NTM: variants seen among roughly 807,000 people sequenced by gnomAD.
The protein encoded by NTM is IgLON family member 2.
NTM carries 13 observed loss-of-function variants against 42.1 expected under a neutral mutation model. That is an observed-to-expected ratio of 0.31 (90% CI 0.20 to 0.49). The LOEUF is 0.49. Among genes scored for constraint, NTM ranks in the 20% least tolerant of loss-of-function variants. The pLI is 0.99. For missense variants in NTM, 373 were observed against 452.8 expected (o/e 0.82, Z 1.60); for synonymous variants, 187 against 179.2 (o/e 1.04, Z -0.35).
chr11:132,021,160 G>T (rs541787402), intron 2 of NTM, among the ~76,000 whole-genome samples: 1 of 151,976 alleles, frequency 6.6e-6, no homozygotes, highest in South Asian at 2.1e-4. Context: ...CTGCTGTTGG[G>T]TCCTCCAGTG....
chr11:132,320,202 T>C (rs1416781270), intron 7 of NTM, among the ~76,000 whole-genome samples: 2 of 152,354 alleles, frequency 1.3e-5, no homozygotes, highest in African/African-American at 4.8e-5. Context: ...ACAGCTCTGG[T>C]CTACAGCTCC....
chr11:131,711,104 G>A (rs988839289), intron 1 of NTM, among the ~76,000 whole-genome samples: 8 of 152,150 alleles, frequency 5.3e-5, no homozygotes, highest in African/African-American at 9.6e-5. Context: ...CAAAAGCAAT[G>A]GCAATAAAAG....
intron 1 of NTM, among the ~76,000 whole-genome samples, chr11:131,838,783 A>G: frequency 6.6e-6 from 1 of 152,166 alleles, no homozygotes; most frequent in South Asian, 2.1e-4. Context: ...AATACAAAAA[A>G]ACATTCCATC....
intron 1 of NTM, among the ~76,000 whole-genome samples, chr11:131,881,431 T>C (rs1045104198): frequency 1.3e-5 from 2 of 150,894 alleles, no homozygotes; most frequent in African/African-American, 4.9e-5. Context: ...GAATTTCAGA[T>C]TGGGGATAAT....
intron 1 of NTM, among the ~76,000 whole-genome samples, chr11:131,885,452 C>T (rs998132433): frequency 1.3e-5 from 2 of 152,136 alleles, no homozygotes; most frequent in African/African-American, 4.8e-5. Flanking sequence ...GCTGACATGT[C>T]GTCTGTATCT....
At chr11:131,658,560 C>A (rs2067514319) in intron 1 of NTM, among the ~76,000 whole-genome samples, 1 of 152,192 alleles carries the variant, frequency 6.6e-6, no homozygotes, top group Non-Finnish European at 1.5e-5. Context: ...GGACGGCATG[C>A]CTTGCTCTGA....
intron 1 of NTM, among the ~76,000 whole-genome samples, chr11:131,898,034 T>A (rs184821497): frequency 6.6e-6 from 1 of 152,336 alleles, no homozygotes; most frequent in East Asian, 1.9e-4. Flanking sequence ...AGGCTGATTA[T>A]TATTAATGTT....
Position 131,492,569 on chromosome 11 carries a change from G to T in NTM, c.82+121681G>T, listed in dbSNP as rs140196273. Among the ~76,000 whole-genome samples, 1,139 of 152,308 alleles carry T rather than the reference G, an allele frequency of 7.5e-3. 5 individuals are homozygous for T. The highest frequency in any genetic ancestry group is 0.013 in the Non-Finnish European group (861 of 68,030). ...AGCCACACTCTCTCCTGCACAAGCA[G>T]CCATGGCCCCGGTCTACCTGCTAAA... On this transcript the variant is annotated intron_variant, in intron 1 of 8. Coordinates refer to ENST00000683400, the MANE Select transcript of NTM (RefSeq NM_001352005.2).
intron 8 of NTM, among the ~76,000 whole-genome samples, chr11:132,331,647 G>T (rs890538579): frequency 6.6e-6 from 1 of 152,152 alleles, no homozygotes; most frequent in African/African-American, 2.4e-5. Context: ...GGAACTTACT[G>T]CACAGAGGAC....
At chr11:132,198,461 A>G (rs1265357092) in intron 3 of NTM, among the ~76,000 whole-genome samples, 1 of 152,162 alleles carries the variant, frequency 6.6e-6, no homozygotes, top group East Asian at 1.9e-4. Flanking sequence ...TCAGCCTCCC[A>G]ATGTGCTGAG....
At chr11:132,124,580 G>T (rs1393301411) in intron 2 of NTM, among the ~76,000 whole-genome samples, 2 of 152,254 alleles carry the variant, frequency 1.3e-5, no homozygotes, top group Admixed American at 1.3e-4. Context: ...AGAAAAAGTT[G>T]TGGAAATTGT....
intron 1 of NTM, among the ~76,000 whole-genome samples, chr11:131,860,387 C>T (rs553801834): frequency 2.8e-4 from 43 of 152,100 alleles, no homozygotes; most frequent in Non-Finnish European, 6.2e-4. Flanking sequence ...ATGCTCTTTC[C>T]GTCCCAAGAG....
intron 2 of NTM, among the ~76,000 whole-genome samples, chr11:131,992,619 C>G (rs942360446): frequency 1.3e-5 from 2 of 152,172 alleles, no homozygotes. Flanking sequence ...CTCTACTTCT[C>G]TAATCTACAT....
chr11:131,912,443 G>A (rs756070254), intron 2 of NTM, among the ~76,000 whole-genome samples: 1 of 152,182 alleles, frequency 6.6e-6, no homozygotes, highest in African/African-American at 2.4e-5. Flanking sequence ...TCTTGGTTAT[G>A]CTTTGTGTAA....
intron 1 of NTM, among the ~76,000 whole-genome samples, chr11:131,486,730 C>T (rs1954215736): frequency 6.6e-6 from 1 of 152,062 alleles, no homozygotes; most frequent in Non-Finnish European, 1.5e-5. Context: ...CACCTTCTTC[C>T]TTTCCTTCTT....
intron 2 of NTM, among the ~76,000 whole-genome samples, chr11:132,129,427 C>G (rs540054548): frequency 1.1e-4 from 16 of 152,300 alleles, no homozygotes; most frequent in African/African-American, 3.6e-4. Flanking sequence ...TGAGGTCTTG[C>G]TGTTCCCAAT....
intron 1 of NTM, among the ~76,000 whole-genome samples, chr11:131,607,021 G>A (rs6590588): frequency 0.046 from 6,934 of 152,198 alleles, 539 homozygotes; most frequent in African/African-American, 0.16. Context: ...ATCTGTTATC[G>A]GTTTCTGGGT....
chr11:132,107,491 G>A (rs1399352427), intron 2 of NTM, among the ~76,000 whole-genome samples: 2 of 151,286 alleles, frequency 1.3e-5, no homozygotes, highest in Non-Finnish European at 1.5e-5. Context: ...GCTAGAAGTA[G>A]AGGTGCACCA....
chr11:131,931,275 T>C (rs2058569805), intron 2 of NTM, among the ~76,000 whole-genome samples: 2 of 151,702 alleles, frequency 1.3e-5, no homozygotes, highest in African/African-American at 2.4e-5. Context: ...CCTGTCTCTA[T>C]ACAAAATACA....
Sources: allele counts gnomAD v4.1 joint callset (sites outside exome capture counted in the v4.1 genomes callset), GRCh38; gene constraint gnomAD v4.1.1; transcripts MANE v1.5; gene names NCBI Gene and HGNC (gene_info 2026-07-23, HGNC 2026-07-21).